Variants in COL4A4 observed in about 807,000 individuals in gnomAD.
COL4A4 encodes collagen type IV alpha 4 chain.
COL4A4 carries 105 observed loss-of-function variants against 192.9 expected under a neutral mutation model. The ratio of observed to expected loss-of-function variants is 0.54; its 90% CI spans 0.46 to 0.64. The LOEUF is 0.64. COL4A4 is among the 30% of genes least tolerant of loss of function. COL4A4 has a pLI of 0.00. For synonymous variants in COL4A4, 762 were observed against 769.9 expected (o/e 0.99, Z 0.17); for missense variants, 1,967 against 2,169.3 (o/e 0.91, Z 1.85).
the COL4A4 span, among the ~76,000 whole-genome samples, chr2:226,986,696 G>A: frequency 6.6e-6 from 1 of 152,238 alleles, no homozygotes; most frequent in African/African-American, 2.4e-5. Context: ...TGCTGGAGAG[G>A]ATGTGGAAAA....
intron 1 of COL4A4, among the ~76,000 whole-genome samples, chr2:227,161,452 TTTTACA>T (rs1182250786): frequency 6.6e-6 from 1 of 152,190 alleles, no homozygotes; most frequent in African/African-American, 2.4e-5. Context: ...CCTCTTGCTG[TTTTACA>T]TTTAAAGAAC....
rs150597335 is a variant in COL4A4, at chr2:227,008,420, G to A, written c.4523-116C>T. Reference sequence around the variant, plus strand: ...CGTGTTCTGAAATCTGGAGGCCCTCGCCAAAGCCTGCTTCTGTGGTGAGGA... The same window carrying A: ...CGTGTTCTGAAATCTGGAGGCCCTCACCAAAGCCTGCTTCTGTGGTGAGGA... On this transcript the variant is annotated intron_variant, in intron 46 of 47. Coordinates refer to ENST00000396625, the MANE Select transcript of COL4A4 (RefSeq NM_000092.5). 419 of 1,155,572 alleles carry A rather than the reference G, an allele frequency of 3.6e-4. 1 individual carries two copies. The highest frequency in any genetic ancestry group is 8.6e-4 in the East Asian group (34 of 39,666). 71.6% of individuals were successfully genotyped at this position (1,155,572 alleles called of 1,614,324 possible). A position where few individuals can be genotyped will look rare whatever the true frequency, so the allele number is the denominator to read the frequency against.
intron 25 of COL4A4, among the ~76,000 whole-genome samples, chr2:227,067,286 C>T (rs1238912004): frequency 1.3e-5 from 2 of 152,124 alleles, no homozygotes; most frequent in Non-Finnish European, 2.9e-5. Flanking sequence ...TAACACTCCA[C>T]TGTCAACATT....
At chr2:227,014,037 T>C (rs1964368890) in intron 44 of COL4A4, among the ~76,000 whole-genome samples, 1 of 152,296 alleles carries the variant, frequency 6.6e-6, no homozygotes, top group East Asian at 1.9e-4. Context: ...GAATCGAAGA[T>C]TTCCCACGCA....
At chr2:227,143,057 C>T (rs2125330227) in intron 3 of COL4A4, among the ~76,000 whole-genome samples, 1 of 152,234 alleles carries the variant, frequency 6.6e-6, no homozygotes, top group Admixed American at 6.5e-5. Context: ...GGCACACAGG[C>T]ACAGATGTGT....
At chr2:227,097,917 C>T (rs1347456187) in intron 19 of COL4A4, among the ~76,000 whole-genome samples, 1 of 152,180 alleles carries the variant, frequency 6.6e-6, no homozygotes, top group East Asian at 1.9e-4. Context: ...GACTTTTCTC[C>T]TCACAGGTTT....
chr2:227,143,373 A>G (rs2063346295), intron 3 of COL4A4, among the ~76,000 whole-genome samples: 1 of 152,210 alleles, frequency 6.6e-6, no homozygotes. Flanking sequence ...CTGTGTCAAT[A>G]GGTACGTGCA....
chr2:227,098,818 A>G lies in COL4A4; in HGVS notation c.1100-20T>C. 6.3e-7 allele frequency: 1 copy of G among 1,575,074 alleles called. No homozygotes were observed. The highest frequency in any genetic ancestry group is 8.7e-7 in the Non-Finnish European group (1 of 1,144,680). ...GTGGGCCTGCCAAAGATAATGGTAC[A>G]TGAGAATAAACAAATGGTATGTGCA... On this transcript the variant is annotated intron_variant, in intron 18 of 47. Transcript: ENST00000396625.
intron 2 of COL4A4, among the ~76,000 whole-genome samples, chr2:227,145,935 A>G (rs1173926890): frequency 2.0e-5 from 3 of 152,232 alleles, no homozygotes; most frequent in African/African-American, 7.2e-5. Flanking sequence ...GGTGTTAAAC[A>G]CCGGGAATCA....
chr2:227,003,541 A>C lies in COL4A4; in HGVS notation c.*3784T>G, dbSNP rs1424175567. The C allele has an allele frequency of 1.3e-5, 2 of 152,366 alleles. No homozygotes were observed. The highest frequency in any genetic ancestry group is 2.4e-5 in the African/African-American group (1 of 41,590). The allele number at this position is 152,366 out of a possible 1,614,324, so 9.4% of individuals were successfully genotyped here. A position where few individuals can be genotyped will look rare whatever the true frequency, so the allele number is the denominator to read the frequency against. On this transcript the variant is annotated 3_prime_UTR_variant, in exon 48 of 48. Transcript: ENST00000396625. The stretch of plus-strand genomic sequence containing the variant: ...CAGATTATTCCAGTGAGCTGATAGA[A>C]ACACAGATCTAATATAATTTCCTGG...
At chr2:227,008,520 G>A (rs1235064711) in intron 46 of COL4A4, among the ~76,000 whole-genome samples, 2 of 152,154 alleles carry the variant, frequency 1.3e-5, no homozygotes, top group Non-Finnish European at 1.5e-5. Context: ...CAAGCAGGGG[G>A]CCAGGTGCTG....
the COL4A4 span, among the ~76,000 whole-genome samples, chr2:226,971,721 G>T: frequency 6.6e-6 from 1 of 151,948 alleles, no homozygotes; most frequent in African/African-American, 2.4e-5. Context: ...GTTTCTTTTG[G>T]TTTGTTTTCT....
At chr2:227,030,699 A>C (rs1968099299) in intron 40 of COL4A4, 101 bp from the exon 41 acceptor site, 1 of 857,390 alleles carries the variant, frequency 1.2e-6, no homozygotes, top group Non-Finnish European at 1.8e-6. Flanking sequence ...ATGACTTGCA[A>C]GCAAGGAATA....
intron 4 of COL4A4, 103 bp downstream of exon 4, chr2:227,140,058 C>G: frequency 2.1e-6 from 2 of 949,058 alleles, no homozygotes; most frequent in Non-Finnish European, 3.4e-6. Context: ...TAAACATTAT[C>G]GAGGACTAAA....
Position 227,003,088 on chromosome 2 carries a change from A to G in COL4A4, c.*4237T>C, listed in dbSNP as rs1961370617. On this transcript the variant is annotated 3_prime_UTR_variant, in exon 48 of 48. Coordinates refer to ENST00000396625, the MANE Select transcript of COL4A4 (RefSeq NM_000092.5). ...CTTACTGATAATGTCCCTGCAGGAA[A>G]TTGTGATATTTTCTGTGCTACAGTA... 6.6e-6 allele frequency: 1 copy of G among 152,458 alleles called. No individual in the cohort carries two copies. Among genetic ancestry groups the G allele is most frequent in the Non-Finnish European group, 1.5e-5 (1 of 68,036 alleles). 9.4% of individuals were successfully genotyped at this position (152,458 alleles called of 1,614,324 possible).
At chr2:227,018,673 A>T (rs1210358264) in intron 44 of COL4A4, among the ~76,000 whole-genome samples, 1 of 151,366 alleles carries the variant, frequency 6.6e-6, no homozygotes, top group Non-Finnish European at 1.5e-5. Flanking sequence ...GGCACTTTTT[A>T]AAAAACATCA....
At chr2:227,030,410 T>A (rs1453291802) in intron 41 of COL4A4, 33 bp downstream of exon 41, 3 of 1,612,232 alleles carry the variant, frequency 1.9e-6, no homozygotes, top group Middle Eastern at 1.7e-4. Context: ...AACCAAGTTA[T>A]TCACATATTA....
intron 25 of COL4A4, among the ~76,000 whole-genome samples, chr2:227,071,879 A>G (rs1403276706): frequency 6.6e-6 from 1 of 152,048 alleles, no homozygotes; most frequent in African/African-American, 2.4e-5. Context: ...TTTTCAAAAC[A>G]TCTGGAATAC....
chr2:227,064,719 G>C (rs1447511347), intron 25 of COL4A4, among the ~76,000 whole-genome samples: 1 of 152,160 alleles, frequency 6.6e-6, no homozygotes, highest in Non-Finnish European at 1.5e-5. Flanking sequence ...AAAAGGGATT[G>C]GCATCCTATC....
Sources: allele counts gnomAD v4.1 joint callset (sites outside exome capture counted in the v4.1 genomes callset), GRCh38; gene constraint gnomAD v4.1.1; transcripts MANE v1.5; gene names NCBI Gene and HGNC (gene_info 2026-07-23, HGNC 2026-07-21).